The following FGF12 variants were observed in gnomAD, a reference collection of about 807,000 sequenced individuals.
FGF12 encodes fibroblast growth factor 12, also known as fibroblast growth factor 12B.
Under a neutral mutation model 23.6 loss-of-function variants are expected in FGF12, and 14 were observed. The observed-to-expected ratio is 0.59, with a 90% CI of 0.39 to 0.93. The LOEUF (loss-of-function observed/expected upper bound fraction) is 0.93. Among genes scored for constraint, FGF12 ranks in the 40% least tolerant of loss-of-function variants. FGF12 has a pLI of 0.00. For missense variants in FGF12, 175 were observed against 217.8 expected (o/e 0.80, Z 1.24); for synonymous variants, 62 against 77.3 (o/e 0.80, Z 1.04).
rs991642341 is a variant in FGF12, at chr3:192,408,953, C to G, written c.14-48415G>C. The G allele has an allele frequency of 1.7e-5, 17 of 984,716 alleles. No homozygotes were observed. Among genetic ancestry groups the G allele is most frequent in the Non-Finnish European group, 2.0e-5 (17 of 829,854 alleles). The allele number at this position is 984,716 out of a possible 1,614,324, so 61.0% of individuals were successfully genotyped here. On this transcript the variant is annotated intron_variant, in intron 2 of 5. Coordinates refer to ENST00000445105, the MANE Select transcript of FGF12 (RefSeq NM_004113.6). This position sits in a 1 kb window ranked among gnomAD's most constrained non-coding sequence, Gnocchi z 7.3. Reference sequence around the variant, plus strand: ...ACCCGAGTTCTGGAATTCCGAGAGGCGCGAAGTGGGAGCGGTTACCCGGAG... The same window carrying G: ...ACCCGAGTTCTGGAATTCCGAGAGGGGCGAAGTGGGAGCGGTTACCCGGAG...
chr3:192,221,664 T>C (rs907017683), intron 4 of FGF12, among the ~76,000 whole-genome samples: 20 of 152,038 alleles, frequency 1.3e-4, no homozygotes, highest in Admixed American at 2.6e-4. Context: ...GAGAACAATA[T>C]GCATGGGTAA....
intron 2 of FGF12, among the ~76,000 whole-genome samples, chr3:192,378,790 T>A (rs191502150): frequency 6.6e-6 from 1 of 152,134 alleles, no homozygotes; most frequent in South Asian, 2.1e-4. Context: ...CAGGGATACA[T>A]ATGCAGGTTT....
intron 4 of FGF12, among the ~76,000 whole-genome samples, chr3:192,275,485 A>C (rs1713724500): frequency 6.6e-6 from 1 of 152,134 alleles, no homozygotes. Context: ...TTGACTCTAG[A>C]ATGGTAAATA....
intron 4 of FGF12, among the ~76,000 whole-genome samples, chr3:192,222,965 G>C (rs1474565795): frequency 6.6e-6 from 1 of 152,164 alleles, no homozygotes; most frequent in Non-Finnish European, 1.5e-5. Flanking sequence ...CACGTTTCAT[G>C]TCCTTCCTCT....
chr3:192,446,545 G>A (rs949466007), intron 2 of FGF12, among the ~76,000 whole-genome samples: 7 of 152,166 alleles, frequency 4.6e-5, no homozygotes, highest in South Asian at 2.1e-4. Context: ...AGATGGCCTC[G>A]TAGAAGTTCT....
At chr3:192,189,592 T>A (rs1203858508) in intron 4 of FGF12, among the ~76,000 whole-genome samples, 1 of 152,112 alleles carries the variant, frequency 6.6e-6, no homozygotes, top group Non-Finnish European at 1.5e-5. Context: ...CCAAGCTGAC[T>A]AGTGTCTTTA....
chr3:192,403,729 AT>A (rs1250972586), intron 2 of FGF12, among the ~76,000 whole-genome samples: 1 of 152,146 alleles, frequency 6.6e-6, no homozygotes, highest in Non-Finnish European at 1.5e-5. Flanking sequence ...ATTTCAATTT[AT>A]AAAAATCTAA....
chr3:192,422,310 T>C (rs182683102), intron 2 of FGF12, among the ~76,000 whole-genome samples: 113 of 152,300 alleles, frequency 7.4e-4, no homozygotes, highest in Non-Finnish European at 1.4e-3. Context: ...AAAATGAGAT[T>C]AACCAGATGA....
At chr3:192,547,948 C>A (rs947810939) in intron 2 of FGF12, among the ~76,000 whole-genome samples, 6 of 152,056 alleles carry the variant, frequency 3.9e-5, no homozygotes, top group Non-Finnish European at 7.4e-5. Flanking sequence ...TTACTGGAGG[C>A]CTCTGTACAT....
chr3:192,340,967 A>C lies in FGF12; in HGVS notation c.125-5503T>G, dbSNP rs570564252. On this transcript the variant is annotated intron_variant, in intron 3 of 5. Transcript: ENST00000445105. ...GCAAAAACTAGACAAGTGGGATTACATTAAACTAAAAAGCTTCTGCAGAGC... is the reference window on the plus strand; with the variant it reads ...GCAAAAACTAGACAAGTGGGATTACCTTAAACTAAAAAGCTTCTGCAGAGC... Among the ~76,000 whole-genome samples the C allele has an allele frequency of 2.0e-5, 3 of 152,354 alleles. No homozygotes were observed. In the South Asian group the frequency reaches 6.2e-4, roughly 32 times the overall value.
chr3:192,390,885 C>A (rs1478887594), intron 2 of FGF12, among the ~76,000 whole-genome samples: 1 of 152,144 alleles, frequency 6.6e-6, no homozygotes, highest in African/African-American at 2.4e-5. Context: ...AGGGGAAACT[C>A]AAGACACAAA....
At chr3:192,318,456 T>C (rs1016897447) in intron 4 of FGF12, among the ~76,000 whole-genome samples, 1 of 152,102 alleles carries the variant, frequency 6.6e-6, no homozygotes, top group Non-Finnish European at 1.5e-5. Context: ...TGCATTAACA[T>C]CTCTTAACAG....
chr3:192,162,576 A>AAAAG (rs1167340415), intron 5 of FGF12, among the ~76,000 whole-genome samples: 1 of 152,106 alleles, frequency 6.6e-6, no homozygotes, highest in African/African-American at 2.4e-5. Context: ...CCCAAAACAC[A>AAAAG]AAAGAAAGAG....
chr3:192,170,308 G>A, intron 5 of FGF12, 150 bp downstream of exon 5: 1 of 572,054 alleles, frequency 1.7e-6, no homozygotes, highest in Non-Finnish European at 3.1e-6. Flanking sequence ...AAAAGGAAGA[G>A]ATACTATTGT....
chr3:192,268,642 G>T, intron 4 of FGF12: 1 of 432,298 alleles, frequency 2.3e-6, no homozygotes. Context: ...ATTTTGCCAT[G>T]TGACATACCT....
rs184973156 is a variant in FGF12 at position 192,273,034 on chromosome 3, C to A, written c.228+62327G>T. Among the ~76,000 whole-genome samples, 6 of 152,264 alleles carry A rather than the reference C, an allele frequency of 3.9e-5. No homozygotes were observed. In the East Asian group the frequency reaches 1.2e-3, roughly 29 times the overall value. ...GATTGGTTTCAAGGAAGGAAGAGAA[C>A]AGGTGAAGTGGATAGAGCCACACTT... On this transcript the variant is annotated intron_variant, in intron 4 of 5. Coordinates refer to ENST00000445105, the MANE Select transcript of FGF12 (RefSeq NM_004113.6).
At chr3:192,326,501 C>T (rs1391594103) in intron 4 of FGF12, among the ~76,000 whole-genome samples, 1 of 152,142 alleles carries the variant, frequency 6.6e-6, no homozygotes, top group Non-Finnish European at 1.5e-5. Context: ...TAACTCCTGA[C>T]ACAGCTTTTC....
At chr3:192,628,716 T>C (rs965669690) in intron 2 of FGF12, among the ~76,000 whole-genome samples, 6 of 149,740 alleles carry the variant, frequency 4.0e-5, no homozygotes, top group Admixed American at 1.3e-4. Context: ...CATAAATATA[T>C]ACATAAATAC....
rs1479728833 is a variant in FGF12, at chr3:192,692,434, G to A, written c.13+34747C>T. Among the ~76,000 whole-genome samples, 5 of 152,098 alleles carry A rather than the reference G, an allele frequency of 3.3e-5. No individual in the cohort carries two copies. In the South Asian group the frequency reaches 6.2e-4, roughly 19 times the overall value. ...AAAACCACATGATCAGGCCAGATGC[G>A]GTGGCTCACACCTGTATTCCCAGCA... On this transcript the variant is annotated intron_variant, in intron 2 of 5. Coordinates refer to ENST00000445105, the MANE Select transcript of FGF12 (RefSeq NM_004113.6).
Sources: allele counts gnomAD v4.1 joint callset (sites outside exome capture counted in the v4.1 genomes callset), GRCh38; gene constraint gnomAD v4.1.1; non-coding constraint Gnocchi (gnomAD v3.1); transcripts MANE v1.5; gene names NCBI Gene and HGNC (gene_info 2026-07-23, HGNC 2026-07-21).